Variants in BEST1 observed in about 807,000 individuals in gnomAD.
BEST1 encodes the protein bestrophin-1.
A neutral mutation model predicts 63.3 loss-of-function variants in BEST1; 58 were observed. The observed-to-expected ratio is 0.92, with a 90% CI of 0.74 to 1.14. The LOEUF (loss-of-function observed/expected upper bound fraction) is 1.14, where lower values mean the gene tolerates loss of function less well. BEST1 is among the 50% of genes most tolerant of loss of function. The probability of loss-of-function intolerance (pLI) is 0.00; values close to 1 mark genes in which losing one functional copy is unlikely to be tolerated. For missense variants in BEST1, 671 were observed against 740.1 expected (o/e 0.91, Z 1.08); for synonymous variants, 283 against 291.6 (o/e 0.97, Z 0.30).
chr11:61,957,972 TCAAA>T (rs71046754), intron 6 of BEST1, among the ~76,000 whole-genome samples, 170 bp from the exon 7 acceptor site: 153 of 149,724 alleles, frequency 1.0e-3, no homozygotes, highest in African/African-American at 2.7e-3. Flanking sequence ...AGACTCTGTC[TCAAA>T]CAAACAAACA....
chr11:61,961,495 G>C (rs1429952695), intron 9 of BEST1: 1 of 152,684 alleles, frequency 6.5e-6, no homozygotes, highest in Non-Finnish European at 1.5e-5. Context: ...AGCAGCTGAA[G>C]GTTGTTGAGG....
chr11:61,964,869 T>C (rs767112958), downstream of BEST1: 32 of 1,605,410 alleles, frequency 2.0e-5, no homozygotes, highest in Admixed American at 3.8e-4. Context: ...ATTCAGGTAA[T>C]GTGTCTCAAT....
intron 3 of BEST1, 56 bp downstream of exon 3, chr11:61,955,257 G>A (rs1459420728): frequency 5.6e-6 from 9 of 1,613,544 alleles, no homozygotes; most frequent in Non-Finnish European, 7.6e-6. Flanking sequence ...GCTCCAGACA[G>A]GCCAGGGGAG....
rs776481126 is a variant in BEST1 at position 61,962,337 on chromosome 11, G to C, written c.1183G>C (p.Gly395Arg). 5.6e-5 allele frequency: 90 copies of C among 1,614,200 alleles called. No individual in the cohort carries two copies. Among genetic ancestry groups the C allele is most frequent in the Non-Finnish European group, 7.4e-5 (87 of 1,180,036 alleles). The change falls in exon 10 of 11, where the codon GGC (glycine) becomes CGC (arginine). Residue 395 changes from glycine to arginine, a missense_variant. Gly to Arg is a moderately radical substitution (Grantham distance 125). Coordinates refer to ENST00000378043, the MANE Select transcript of BEST1 (RefSeq NM_004183.4). ...AHAGIIGRFLGLQSHDHHPPR... is the reference protein window; with the variant it reads ...AHAGIIGRFLRLQSHDHHPPR... ...CGCTGGCATCATTGGCCGCTTCCTA[G>C]GCCTGCAGTCCCATGATCACCATCC...
rs796905822 is a variant in BEST1 at position 61,963,982 on chromosome 11, G to A, written c.1740-122G>A. 11 of 1,517,322 alleles carry A rather than the reference G, an allele frequency of 7.2e-6. No individual in the cohort carries two copies. In the African/African-American group the frequency reaches 1.7e-4, roughly 23 times the overall value. The allele number at this position is 1,517,322 out of a possible 1,614,324, so 94.0% of individuals were successfully genotyped here. A position where few individuals can be genotyped will look rare whatever the true frequency, so the allele number is the denominator to read the frequency against. On this transcript the variant is annotated intron_variant, in intron 10 of 10. Coordinates refer to ENST00000378043, the MANE Select transcript of BEST1 (RefSeq NM_004183.4). The stretch of plus-strand genomic sequence containing the variant: ...CAATCCAGCCTGGGCGACGGAGTGA[G>A]ACTGTCTCAAAAAAAAAAAAAAAAG...
intron 5 of BEST1, 24 bp from the exon 6 acceptor site, chr11:61,957,363 C>T: frequency 6.2e-7 from 1 of 1,608,652 alleles, no homozygotes; most frequent in Non-Finnish European, 8.5e-7. Flanking sequence ...GTTCAGAACC[C>T]CATCCCCCTC....
downstream of BEST1, chr11:61,965,294 G>T: frequency 6.2e-7 from 1 of 1,600,752 alleles, no homozygotes; most frequent in Admixed American, 1.7e-5. Flanking sequence ...AAGGGCAATT[G>T]CTAGTTTAAG....
intron 5 of BEST1, 33 bp downstream of exon 5, chr11:61,957,031 A>G: frequency 6.2e-7 from 1 of 1,613,814 alleles, no homozygotes; most frequent in Non-Finnish European, 8.5e-7. Context: ...GCTGCCGCAG[A>G]GTGGGAAGGG....
At chr11:61,955,069 C>G (rs1565386326) in intron 2 of BEST1, 38 bp from the exon 3 acceptor site, 1 of 1,612,166 alleles carries the variant, frequency 6.2e-7, no homozygotes, top group Non-Finnish European at 8.5e-7. Flanking sequence ...CATCTCCTCG[C>G]TGCGTCCACA....
At position 61,955,111 on chromosome 11, in the gene BEST1, G is replaced by T; in HGVS notation, c.157G>T (p.Ala53Ser). ...YYIIRFIYRL[A>S]LTEEQQLMFE... ...CACCCCCACCCCCACCCCCAGGCTGGCCCTCACGGAAGAACAACAGCTGAT... is the reference window on the plus strand; with the variant it reads ...CACCCCCACCCCCACCCCCAGGCTGTCCCTCACGGAAGAACAACAGCTGAT... Residue 53 changes from alanine to serine, a missense_variant, in exon 3 of 11, where the codon GCC becomes TCC. Ala to Ser is a moderately conservative substitution (Grantham distance 99). Coordinates refer to ENST00000378043, the MANE Select transcript of BEST1 (RefSeq NM_004183.4). The T allele has an allele frequency of 1.3e-6, 2 of 1,591,016 alleles. No individual in the cohort carries two copies. Among genetic ancestry groups the T allele is most frequent in the Non-Finnish European group, 1.7e-6 (2 of 1,166,914 alleles).
intron 10 of BEST1, chr11:61,963,840 C>A: frequency 7.8e-7 from 1 of 1,288,246 alleles, no homozygotes; most frequent in Non-Finnish European, 9.9e-7. Flanking sequence ...CCCATCTCTA[C>A]CAAAAAAAAT....
Position 61,962,660 on chromosome 11 carries a change from A to T in BEST1, c.1506A>T (p.Leu502Phe), listed in dbSNP as rs1334139204. Reference protein sequence around the residue: ...VTGIDTKDKSLKTVSSGAKKS... With the variant: ...VTGIDTKDKSFKTVSSGAKKS... Reference sequence around the variant, plus strand: ...GCATAGACACCAAAGACAAAAGCTTAAAGACTGTGAGTTCTGGGGCCAAGA... The same window carrying T: ...GCATAGACACCAAAGACAAAAGCTTTAAGACTGTGAGTTCTGGGGCCAAGA... Residue 502 changes from leucine to phenylalanine, a missense_variant, in exon 10 of 11, where the codon TTA becomes TTT. Physicochemically the swap from Leu to Phe is conservative, Grantham distance 22. Transcript: ENST00000378043. 2 of 1,614,116 alleles carry T rather than the reference A, an allele frequency of 1.2e-6. No homozygotes were observed. Among genetic ancestry groups the T allele is most frequent in the Non-Finnish European group, 1.7e-6 (2 of 1,180,054 alleles).
At chr11:61,952,830 A>G (rs1431941106) in intron 2 of BEST1, among the ~76,000 whole-genome samples, 1 of 152,122 alleles carries the variant, frequency 6.6e-6, no homozygotes, top group Non-Finnish European at 1.5e-5. Context: ...ATCTAAGGCC[A>G]GTAGCAGTGA....
Position 61,957,602 on chromosome 11 carries a change from T to C in BEST1, c.714+138T>C, listed in dbSNP as rs141507235. 15,464 of 830,878 alleles carry C rather than the reference T, an allele frequency of 0.019. 655 individuals carry two copies. The highest frequency in any genetic ancestry group is 0.13 in the Admixed American group (6,787 of 50,360). 51.5% of individuals were successfully genotyped at this position (830,878 alleles called of 1,614,324 possible). A position where few individuals can be genotyped will look rare whatever the true frequency, so the allele number is the denominator to read the frequency against. On this transcript the variant is annotated intron_variant, in intron 6 of 10. Coordinates refer to ENST00000378043, the MANE Select transcript of BEST1 (RefSeq NM_004183.4). ...TGGGTCCACACTTTGAAGTTGGGTC[T>C]GGACTTTGAAGTGCCAAGTTCTAAG...
At position 61,955,948 on chromosome 11, in the gene BEST1, G is replaced by T; in HGVS notation, c.478G>T (p.Ala160Ser). The change falls in exon 4 of 11, where the codon GCA becomes TCA. Residue 160 changes from alanine to serine, a missense_variant. Ala to Ser is a moderately conservative substitution (Grantham distance 99, BLOSUM62 1). Coordinates refer to ENST00000378043, the MANE Select transcript of BEST1 (RefSeq NM_004183.4). ...RFPSAQHLVQAGFMTPAEHKQ... is the reference protein window; with the variant it reads ...RFPSAQHLVQSGFMTPAEHKQ... ...CCCCAGCGCCCAGCACCTGGTGCAA[G>T]CAGGTGGGCGGACCGGGAGCAACGG... The T allele has an allele frequency of 1.3e-6, 2 of 1,546,206 alleles. No homozygotes were observed. The highest frequency in any genetic ancestry group is 3.9e-5 in the Admixed American group (2 of 50,920).
At chr11:61,963,333 A>C in intron 10 of BEST1, 1 of 1,315,132 alleles carries the variant, frequency 7.6e-7, no homozygotes, top group South Asian at 2.7e-5. Flanking sequence ...GGTAGTACCC[A>C]AGCACTACAG....
intron 7 of BEST1, 22 bp downstream of exon 7, chr11:61,958,320 C>T: frequency 6.2e-7 from 1 of 1,614,160 alleles, no homozygotes; most frequent in Non-Finnish European, 8.5e-7. Context: ...CAGGGCCCTG[C>T]TGGGCTGGAG....
At chr11:61,952,514 G>A (rs1228081048) in intron 2 of BEST1, among the ~76,000 whole-genome samples, 1 of 144,492 alleles carries the variant, frequency 6.9e-6, no homozygotes, top group Non-Finnish European at 1.5e-5. Flanking sequence ...CACCCAGGCT[G>A]GAGTGCAGTG....
chr11:61,964,825 G>A (rs760876662), downstream of BEST1: 10 of 1,600,692 alleles, frequency 6.2e-6, no homozygotes, highest in Non-Finnish European at 7.6e-6. Context: ...TTGGTCACGT[G>A]GTCACCCAAT....
Sources: allele counts gnomAD v4.1 joint callset (sites outside exome capture counted in the v4.1 genomes callset), GRCh38; gene constraint gnomAD v4.1.1; transcripts MANE v1.5; gene names NCBI Gene and HGNC (gene_info 2026-07-23, HGNC 2026-07-21).